The following KCNU1 variants were observed in gnomAD, a reference collection of about 807,000 sequenced individuals.
KCNU1 encodes potassium channel subfamily U member 1.
In KCNU1, 93 loss-of-function variants were observed where a neutral mutation model predicts 126.8. That is an observed-to-expected ratio of 0.73 (90% confidence interval 0.62 to 0.87). The LOEUF (loss-of-function observed/expected upper bound fraction) is 0.87, where lower values mean the gene tolerates loss of function less well. Among genes scored for constraint, KCNU1 ranks in the 40% least tolerant of loss-of-function variants. KCNU1 has a pLI of 0.00. For synonymous variants in KCNU1, 523 were observed against 494.2 expected, an observed-to-expected ratio of 1.06 and a Z score of -0.77; for missense variants, 1,330 against 1,367.1, an observed-to-expected ratio of 0.97 and a Z score of 0.43.
intron 10 of KCNU1, among the ~76,000 whole-genome samples, chr8:36,822,024 A>G (rs1176445144): frequency 1.3e-5 from 2 of 152,012 alleles, no homozygotes; most frequent in Admixed American, 1.3e-4. Flanking sequence ...TAAGTTCAGG[A>G]GTGTCTGTAT....
chr8:36,870,291 C>G (rs1158154513), intron 19 of KCNU1, among the ~76,000 whole-genome samples: 2 of 152,154 alleles, frequency 1.3e-5, no homozygotes, highest in African/African-American at 4.8e-5. Flanking sequence ...TGTTTCTTTT[C>G]TGGCACATCT....
intron 19 of KCNU1, chr8:36,888,877 T>C (rs1192413319): frequency 2.3e-6 from 1 of 432,866 alleles, no homozygotes; most frequent in Non-Finnish European, 4.7e-6. Flanking sequence ...AAACTACTAG[T>C]TCCATTTTTT....
rs1327010288 is a variant in KCNU1, at chr8:36,922,550, A to C, written c.2657A>C (p.Glu886Ala). Residue 886 changes from glutamate (E) to alanine (A), a missense_variant, in exon 24 of 27, where the codon GAA (glutamate) becomes GCA (alanine). By Grantham distance (107) the Glu-to-Ala change is moderately radical (BLOSUM62 -1). This residue lies in a region of KCNU1 where 1,054 missense variants were observed against 1,053.9 expected (regional missense o/e 1.00). Coordinates refer to ENST00000399881, the MANE Select transcript of KCNU1 (RefSeq NM_001031836.3). ...QLGGLEGSLQ[E>A]TNLHLSTAFS... ...GGTGGACTGGAAGGGTCCCTCCAAG[A>C]AACAAATCTGCATCTCAGCACTGCC... 2 of 1,613,618 alleles carry C rather than the reference A, an allele frequency of 1.2e-6. No homozygotes were observed. The highest frequency in any genetic ancestry group is 1.7e-6 in the Non-Finnish European group (2 of 1,179,762).
intron 19 of KCNU1, among the ~76,000 whole-genome samples, chr8:36,895,371 A>G (rs966143638): frequency 6.6e-6 from 1 of 152,038 alleles, no homozygotes; most frequent in African/African-American, 2.4e-5. Flanking sequence ...GAGCCACTGT[A>G]CCTGGCCTTT....
intron 2 of KCNU1, among the ~76,000 whole-genome samples, chr8:36,790,771 A>G (rs1268699801): frequency 6.6e-6 from 1 of 152,118 alleles, no homozygotes; most frequent in East Asian, 1.9e-4. Flanking sequence ...ACCCTCAAGG[A>G]ATAGATATCT....
Position 36,817,658 on chromosome 8 carries a change from T to C in KCNU1, c.1004T>C (p.Val335Ala). The change falls in exon 10 of 27, where the codon GTG becomes GCG. Residue 335 changes from valine to alanine, a missense_variant. Coordinates refer to ENST00000399881, the MANE Select transcript of KCNU1 (RefSeq NM_001031836.3). ...CTGTTTTTGCTGCCTAGGTTTATTG[T>C]GGTCTGTGGAAACATCACTGTGGAC... ...YEALKGKKFI[V>A]VCGNITVDSV... 6.2e-7 allele frequency: 1 copy of C among 1,603,208 alleles called. No individual in the cohort carries two copies. Among genetic ancestry groups the C allele is most frequent in the Non-Finnish European group, 8.5e-7 (1 of 1,170,160 alleles).
intron 16 of KCNU1, among the ~76,000 whole-genome samples, chr8:36,843,789 T>C (rs1333114839): frequency 1.3e-5 from 2 of 152,312 alleles, no homozygotes; most frequent in East Asian, 3.9e-4. Flanking sequence ...ACTTGCAAAA[T>C]GCTTGGAGAA....
At chr8:36,862,609 A>G (rs1444600429) in intron 18 of KCNU1, among the ~76,000 whole-genome samples, 2 of 152,196 alleles carry the variant, frequency 1.3e-5, no homozygotes, top group Non-Finnish European at 2.9e-5. Context: ...TTTCAAAATT[A>G]TAAAAGTCAT....
chr8:36,807,201 G>A (rs546763887), intron 5 of KCNU1, among the ~76,000 whole-genome samples, 174 bp from the exon 6 acceptor site: 11 of 152,162 alleles, frequency 7.2e-5, no homozygotes, highest in Non-Finnish European at 1.2e-4. Flanking sequence ...TTACAACAGC[G>A]TCAGGGCTAG....
chr8:36,826,722 A>G (rs1002465722), intron 10 of KCNU1, among the ~76,000 whole-genome samples: 1 of 151,998 alleles, frequency 6.6e-6, no homozygotes, highest in African/African-American at 2.4e-5. Context: ...TTTTTTTAAA[A>G]AAAGTAACTT....
intron 18 of KCNU1, among the ~76,000 whole-genome samples, chr8:36,853,794 G>T (rs1299653501): frequency 6.6e-6 from 1 of 151,966 alleles, no homozygotes; most frequent in African/African-American, 2.4e-5. Flanking sequence ...GTTAAGTATA[G>T]GTTGGTGTGT....
chr8:36,815,159 C>T (rs1272739871), intron 8 of KCNU1, among the ~76,000 whole-genome samples: 3 of 152,050 alleles, frequency 2.0e-5, no homozygotes, highest in African/African-American at 7.2e-5. Flanking sequence ...GGAGGCATTC[C>T]ATCTCTACTA....
intron 2 of KCNU1, among the ~76,000 whole-genome samples, chr8:36,794,858 G>A (rs1226425926): frequency 1.3e-5 from 2 of 152,130 alleles, no homozygotes; most frequent in Non-Finnish European, 2.9e-5. Flanking sequence ...GAGCCCAGGA[G>A]GCTGAGGCTG....
chr8:36,917,445 G>A (rs1310468876), intron 22 of KCNU1, among the ~76,000 whole-genome samples: 1 of 151,374 alleles, frequency 6.6e-6, no homozygotes, highest in Admixed American at 6.6e-5. Flanking sequence ...TGAACTCCTG[G>A]GCTCAAGCGA....
chr8:36,856,801 C>T lies in KCNU1; in HGVS notation c.1892-7603C>T, dbSNP rs376660449. Among the ~76,000 whole-genome samples, 207 of 152,226 alleles carry T rather than the reference C, an allele frequency of 1.4e-3. 1 individual carries two copies. Among genetic ancestry groups the T allele is most frequent in the African/African-American group, 4.9e-3 (203 of 41,550 alleles). On this transcript the variant is annotated intron_variant, in intron 18 of 26. Coordinates refer to ENST00000399881, the MANE Select transcript of KCNU1 (RefSeq NM_001031836.3). Reference sequence around the variant, plus strand: ...ACCAGTCTTTGCAGTTTGTTCTGTCCCTAAGAGAACGGTTATTAACTGTAC... The same window carrying T: ...ACCAGTCTTTGCAGTTTGTTCTGTCTCTAAGAGAACGGTTATTAACTGTAC...
chr8:36,807,827 AC>A (rs1803563982), intron 6 of KCNU1, among the ~76,000 whole-genome samples: 1 of 152,140 alleles, frequency 6.6e-6, no homozygotes, highest in Non-Finnish European at 1.5e-5. Context: ...AAAAAAAGAA[AC>A]ACTTCTTCAG....
At chr8:36,901,173 G>A (rs1807403183) in intron 19 of KCNU1, among the ~76,000 whole-genome samples, 1 of 152,052 alleles carries the variant, frequency 6.6e-6, no homozygotes, top group African/African-American at 2.4e-5. Flanking sequence ...AATCATCTGA[G>A]TCAAATCTGT....
intron 1 of KCNU1, 60 bp downstream of exon 1, chr8:36,784,665 T>G: frequency 7.7e-7 from 1 of 1,293,824 alleles, no homozygotes; most frequent in Non-Finnish European, 1.1e-6. Flanking sequence ...GGGGTAGTTT[T>G]GTGTTTAGTA....
At position 36,931,060 on chromosome 8, in the gene KCNU1, A is replaced by T. The variant is rs1218168974; in HGVS notation, c.2846A>T (p.Asp949Val). Residue 949 changes from aspartate to valine, a missense_variant, in exon 25 of 27, where the codon GAT becomes GTT. Around this residue, in one of 3 missense-constraint regions of KCNU1, gnomAD observed 1,054 missense variants for 1,053.9 expected, o/e 1.00. Transcript: ENST00000399881. The stretch of plus-strand genomic sequence containing the variant: ...AAGGATAAAGTCTATGGTGTGGCAG[A>T]TAGCTGCACGTCGCTCTTGTCTGGA... The part of the protein sequence containing the change: ...LDKDKVYGVA[D>V]SCTSLLSGRN... 6.2e-7 allele frequency: 1 copy of T among 1,611,708 alleles called. No individual in the cohort carries two copies. Among genetic ancestry groups the T allele is most frequent in the Non-Finnish European group, 8.5e-7 (1 of 1,178,810 alleles).
Sources: gnomAD v4.1 joint callset for allele counts (sites outside exome capture counted in the v4.1 genomes callset) on GRCh38, gnomAD v4.1.1 for gene constraint, gnomAD v4.1.1 regional missense constraint, MANE v1.5 for transcripts, NCBI Gene and HGNC (gene_info 2026-07-23, HGNC 2026-07-21) for gene names.